TEKT4: variants seen among roughly 807,000 people sequenced by gnomAD.
The protein encoded by TEKT4 is tektin-4.
Under a neutral mutation model 46.0 loss-of-function variants are expected in TEKT4, and 46 were observed. That is an observed-to-expected ratio of 1.00 (90% CI 0.79 to 1.28). The LOEUF is 1.28. TEKT4 is among the 50% of genes most tolerant of loss of function. The pLI is 0.00. For missense variants in TEKT4, 790 were observed against 622.9 expected (o/e 1.27, Z -2.85); for synonymous variants, 325 against 265.8 (o/e 1.22, Z -2.17).
intron 1 of TEKT4, chr2:94,872,302 A>C: frequency 5.0e-6 from 3 of 600,896 alleles, no homozygotes; most frequent in African/African-American, 1.9e-5. Context: ...TCCTCCTCTA[A>C]TCCCTTTGAG....
chr2:94,875,582 C>G lies in TEKT4; in HGVS notation c.937-6C>G. ...ACAGGCCCAAGGAGAACTGTCCTGT[C>G]TGCAGACACTGCGGGAAATCACAGA... On this transcript the variant is annotated splice_polypyrimidine_tract_variant and splice_region_variant and intron_variant, in intron 4 of 5. Transcript: ENST00000295201. The G allele has an allele frequency of 6.2e-7, 1 of 1,614,108 alleles. No individual in the cohort carries two copies. Among genetic ancestry groups the G allele is most frequent in the Non-Finnish European group, 8.5e-7 (1 of 1,179,952 alleles).
rs376100153 is a variant in TEKT4, at chr2:94,873,992, C to T, written c.597C>T (p.Cys199=). 1.3e-4 allele frequency: 216 copies of T among 1,613,776 alleles called. No individual in the cohort carries two copies. The Admixed American group carries it at 2.1e-3, about 16-fold the overall frequency. ...TGAACCGGGAGCACAAGGAGACCTG[C>T]GAGATGGACTGGTCAGACAAGATGG... ...IRLNREHKET[C]EMDWSDKMEA... is the part of the protein sequence containing the mutation. Residue 199 remains cysteine, a synonymous_variant, in exon 3 of 6, where the codon TGC becomes TGT. Transcript: ENST00000295201.
rs200789996 is a variant in TEKT4 at position 94,872,064 on chromosome 2, C to T, written c.485C>T (p.Thr162Met). 7.3e-4 allele frequency: 1,123 copies of T among 1,544,744 alleles called. 1 individual carries two copies. Among genetic ancestry groups the T allele is most frequent in the Middle Eastern group, 3.2e-3 (19 of 5,884 alleles). The change falls in exon 1 of 6, where the codon ACG becomes ATG. Residue 162 changes from threonine (T) to methionine (M), a missense_variant. Transcript: ENST00000295201. ...HPNLVRDHVE[T>M]ELLKEAELIR... ...AACCTCGTGCGCGACCATGTGGAAA[C>T]GGAGCTGCTGAAGGTGCCAGCACCC...
rs72817671 is a variant in TEKT4, at chr2:94,876,632, C to G, written c.1171C>G (p.Arg391Gly). Reference protein sequence around the residue: ...EKLLEAEQSLRNLEDIHMSLE... With the variant: ...EKLLEAEQSLGNLEDIHMSLE... ...GCTTCTAGAAGCGGAGCAGTCCCTGCGCAACCTCGAGGACATCCACATGAG... is the reference window on the plus strand; with the variant it reads ...GCTTCTAGAAGCGGAGCAGTCCCTGGGCAACCTCGAGGACATCCACATGAG... The change falls in exon 6 of 6, where the codon CGC becomes GGC. Residue 391 changes from arginine to glycine, a missense_variant. Coordinates refer to ENST00000295201, the MANE Select transcript of TEKT4 (RefSeq NM_144705.4). 1.2e-6 allele frequency: 2 copies of G among 1,612,418 alleles called. No homozygotes were observed. The highest frequency in any genetic ancestry group is 1.3e-5 in the African/African-American group (1 of 74,882).
rs1553394792 is a variant in TEKT4 at position 94,872,056 on chromosome 2, T to C, written c.477T>C (p.His159=). 1.9e-6 allele frequency: 3 copies of C among 1,548,168 alleles called. No individual in the cohort carries two copies. Among genetic ancestry groups the C allele is most frequent in the Admixed American group, 1.9e-5 (1 of 51,318 alleles). ...AGCACCCCAACCTCGTGCGCGACCA[T>C]GTGGAAACGGAGCTGCTGAAGGTGC... The part of the protein sequence containing the change: ...RREHPNLVRD[H]VETELLKEAE... The change falls in exon 1 of 6, where the codon CAT becomes CAC. Residue 159 remains histidine (H), a synonymous_variant. Transcript: ENST00000295201.
In TEKT4 at chr2:94,871,745, T is replaced by G. The variant is rs782689526; in HGVS notation, c.166T>G (p.Phe56Val). Residue 56 changes from phenylalanine (F) to valine (V), a missense_variant, in exon 1 of 6, where the codon TTC becomes GTC. By Grantham distance (50) the Phe-to-Val change is conservative (BLOSUM62 -1). Coordinates refer to ENST00000295201, the MANE Select transcript of TEKT4 (RefSeq NM_144705.4). ...QNCYARYHQA[F>V]ADRDQSERQR... is the part of the protein sequence containing the mutation. ...CTGCTATGCTCGCTACCACCAGGCC[T>G]TCGCCGACCGCGACCAGTCGGAGCG... The G allele has an allele frequency of 1.2e-6, 2 of 1,612,514 alleles. No homozygotes were observed. The highest frequency in any genetic ancestry group is 1.7e-5 in the Admixed American group (1 of 60,006).
At chr2:94,875,334 A>C (rs1336224789) in intron 4 of TEKT4, among the ~76,000 whole-genome samples, 2 of 152,134 alleles carry the variant, frequency 1.3e-5, no homozygotes, top group Non-Finnish European at 2.9e-5. Context: ...GTCCTTGAGC[A>C]GGATTCAGGT....
rs200040675 is a variant in TEKT4, at chr2:94,875,683, G to A, written c.1032G>A (p.Arg344=). 2.5e-6 allele frequency: 4 copies of A among 1,614,018 alleles called. No individual in the cohort carries two copies. Among genetic ancestry groups the A allele is most frequent in the Non-Finnish European group, 2.5e-6 (3 of 1,180,008 alleles). The change falls in exon 5 of 6, where the codon CGG becomes CGA. Residue 344 remains arginine (R), a synonymous_variant. Coordinates refer to ENST00000295201, the MANE Select transcript of TEKT4 (RefSeq NM_144705.4). ...KEAPLHVAQT[R]LYLRSHRPNM... The stretch of plus-strand genomic sequence containing the variant: ...CACCTCTGCACGTAGCCCAGACCCG[G>A]CTGTACCTGCGCTCGCACCGGCCCA...
At position 94,876,683 on chromosome 2, in the gene TEKT4, A is replaced by T; in HGVS notation, c.1222A>T (p.Thr408Ser). 3.7e-6 allele frequency: 6 copies of T among 1,613,336 alleles called. No individual in the cohort carries two copies. The highest frequency in any genetic ancestry group is 5.1e-6 in the Non-Finnish European group (6 of 1,180,012). The change falls in exon 6 of 6, where the codon ACC (threonine) becomes TCC (serine). Residue 408 changes from threonine (T) to serine (S), a missense_variant. Physicochemically the swap from Thr to Ser is moderately conservative, Grantham distance 58. Coordinates refer to ENST00000295201, the MANE Select transcript of TEKT4 (RefSeq NM_144705.4). ...MSLEKDIAAMTNSLFIDRQKC... is the reference protein window; with the variant it reads ...MSLEKDIAAMSNSLFIDRQKC... ...CCTGGAGAAGGACATTGCCGCCATG[A>T]CCAACAGTCTCTTCATCGACCGCCA...
At chr2:94,874,680 G>A (rs1680749826) in intron 3 of TEKT4, 96 bp from the exon 4 acceptor site, 19 of 1,146,000 alleles carry the variant, frequency 1.7e-5, no homozygotes, top group South Asian at 3.2e-5. Flanking sequence ...CGTCCTCCAG[G>A]AGCATGGGGC....
intron 1 of TEKT4, 78 bp from the exon 2 acceptor site, chr2:94,873,442 C>T: frequency 6.2e-7 from 1 of 1,606,300 alleles, no homozygotes; most frequent in South Asian, 1.1e-5. Flanking sequence ...CAGGTGTTGA[C>T]CAAGGCCTGC....
At chr2:94,875,385 A>G (rs1553396112) in intron 4 of TEKT4, among the ~76,000 whole-genome samples, 1 of 152,132 alleles carries the variant, frequency 6.6e-6, no homozygotes, top group African/African-American at 2.4e-5. Context: ...GACCACAGCT[A>G]AGGGACAACA....
Position 94,871,455 on chromosome 2 carries a change from CTG to C in TEKT4, c.-124_-123del, listed in dbSNP as rs1483849045. 9.5e-6 allele frequency: 12 copies of C among 1,265,888 alleles called. No homozygotes were observed. The highest frequency in any genetic ancestry group is 1.3e-5 in the Non-Finnish European group (12 of 944,216). The allele number at this position is 1,265,888 out of a possible 1,614,324, so 78.4% of individuals were successfully genotyped here. A position where few individuals can be genotyped will look rare whatever the true frequency, so the allele number is the denominator to read the frequency against. On this transcript the variant is annotated 5_prime_UTR_variant, in exon 1 of 6. Transcript: ENST00000295201. The stretch of plus-strand genomic sequence containing the variant: ...GGTTTACACAGTGTCACCCAAGCGA[CTG>C]GGAGCCGCGTCCTGCTCTGGGACTG...
At position 94,871,520 on chromosome 2, in the gene TEKT4, C is replaced by G; in HGVS notation, c.-60C>G. ...TGCCCCGCTGACCGCACTAGGCTGA[C>G]CGCAACCGGCTGACCACACACAGTC... On this transcript the variant is annotated 5_prime_UTR_variant, in exon 1 of 6. Transcript: ENST00000295201. The G allele has an allele frequency of 2.0e-6, 3 of 1,495,718 alleles. No individual in the cohort carries two copies. Among genetic ancestry groups the G allele is most frequent in the Non-Finnish European group, 2.7e-6 (3 of 1,123,358 alleles). 92.7% of individuals were successfully genotyped at this position (1,495,718 alleles called of 1,614,324 possible).
intron 3 of TEKT4, among the ~76,000 whole-genome samples, chr2:94,874,381 G>A (rs1484905694): frequency 1.3e-5 from 2 of 152,112 alleles, no homozygotes; most frequent in Non-Finnish European, 2.9e-5. Flanking sequence ...GGCCAGCAGA[G>A]GGAGCCTGAC....
chr2:94,873,144 G>A (rs1680654053), intron 1 of TEKT4: 1 of 1,226,170 alleles, frequency 8.2e-7, no homozygotes, highest in African/African-American at 1.6e-5. Flanking sequence ...GGCAGCCTGG[G>A]CGGGCATCTG....
rs4854234 is a variant in TEKT4, at chr2:94,871,500, C to G, written c.-80C>G. Reference sequence around the variant, plus strand: ...TGGGACTGAGCCGTTGGAGCTGCCCCGCTGACCGCACTAGGCTGACCGCAA... The same window carrying G: ...TGGGACTGAGCCGTTGGAGCTGCCCGGCTGACCGCACTAGGCTGACCGCAA... On this transcript the variant is annotated 5_prime_UTR_variant, in exon 1 of 6. Transcript: ENST00000295201. 0.38 allele frequency: 550,096 copies of G among 1,452,874 alleles called. 106,162 individuals carry two copies. Among genetic ancestry groups the G allele is most frequent in the East Asian group, 0.53 (21,347 of 40,234 alleles). The allele number at this position is 1,452,874 out of a possible 1,614,324, so 90.0% of individuals were successfully genotyped here.
At chr2:94,873,885 G>A in intron 2 of TEKT4, 80 bp from the exon 3 acceptor site, 3 of 1,569,910 alleles carry the variant, frequency 1.9e-6, no homozygotes, top group Non-Finnish European at 2.6e-6. Flanking sequence ...GCAGGCATTG[G>A]GGCCCAGCCT....
chr2:94,871,456 T>C lies in TEKT4; in HGVS notation c.-124T>C. ...GTTTACACAGTGTCACCCAAGCGAC[T>C]GGGAGCCGCGTCCTGCTCTGGGACT... On this transcript the variant is annotated 5_prime_UTR_variant, in exon 1 of 6. Transcript: ENST00000295201. The C allele has an allele frequency of 7.9e-7, 1 of 1,271,742 alleles. No individual in the cohort carries two copies. The highest frequency in any genetic ancestry group is 2.6e-5 in the East Asian group (1 of 39,208). The allele number at this position is 1,271,742 out of a possible 1,614,324, so 78.8% of individuals were successfully genotyped here.
Sources: allele counts gnomAD v4.1 joint callset (sites outside exome capture counted in the v4.1 genomes callset), GRCh38; gene constraint gnomAD v4.1.1; transcripts MANE v1.5; gene names NCBI Gene and HGNC (gene_info 2026-07-23, HGNC 2026-07-21).